Variants in R3HDM2 observed in about 807,000 individuals in gnomAD.
The protein encoded by R3HDM2 is R3H domain-containing protein 2.
R3HDM2 carries 38 observed loss-of-function variants against 124.5 expected under a neutral mutation model. The ratio of observed to expected loss-of-function variants is 0.31; its 90% CI spans 0.24 to 0.40. The LOEUF is 0.40. R3HDM2 is among the 10% of genes least tolerant of loss of function. The pLI is 1.00. For synonymous variants in R3HDM2, 391 were observed against 448.0 expected, an observed-to-expected ratio of 0.87 and a Z score of 1.61; for missense variants, 869 against 1,236.9, an observed-to-expected ratio of 0.70 and a Z score of 4.46.
intron 12 of R3HDM2, among the ~76,000 whole-genome samples, chr12:57,286,713 T>C (rs1460167981): frequency 6.6e-6 from 1 of 152,120 alleles, no homozygotes; most frequent in Non-Finnish European, 1.5e-5. Flanking sequence ...ACCCCGTCTC[T>C]ACTAAAAACA....
chr12:57,264,318 G>C (rs1429856558), intron 19 of R3HDM2, among the ~76,000 whole-genome samples: 4 of 147,928 alleles, frequency 2.7e-5, no homozygotes, highest in Non-Finnish European at 6.0e-5. Context: ...CACTTTGGGA[G>C]GCCGAGGCGG....
intron 2 of R3HDM2, among the ~76,000 whole-genome samples, chr12:57,389,692 A>G (rs1473171477): frequency 6.6e-6 from 1 of 152,244 alleles, no homozygotes; most frequent in Non-Finnish European, 1.5e-5. Context: ...CCTACCCTTT[A>G]AATGTAGAAG....
At chr12:57,428,981 A>G (rs917403989) in intron 1 of R3HDM2, among the ~76,000 whole-genome samples, 36 of 152,070 alleles carry the variant, frequency 2.4e-4, no homozygotes, top group Non-Finnish European at 4.6e-4. Flanking sequence ...TCCTGACCTC[A>G]GGTGATCCAC....
chr12:57,407,466 CA>C (rs1020609656), intron 1 of R3HDM2, among the ~76,000 whole-genome samples: 10 of 148,854 alleles, frequency 6.7e-5, no homozygotes, highest in African/African-American at 2.5e-4. Context: ...AGTGCAGTGG[CA>C]CAATCTCAGC....
intron 19 of R3HDM2, among the ~76,000 whole-genome samples, chr12:57,260,297 CA>C (rs1043161926): frequency 4.0e-5 from 2 of 50,212 alleles, no homozygotes; most frequent in African/African-American, 1.2e-4. Flanking sequence ...CCTGCTGAAA[CA>C]GAATGAAGAG....
chr12:57,380,229 T>C (rs1248389873), intron 2 of R3HDM2, among the ~76,000 whole-genome samples: 3 of 152,222 alleles, frequency 2.0e-5, no homozygotes, highest in Non-Finnish European at 2.9e-5. Flanking sequence ...CTATACACCA[T>C]GACACTCTCA....
At chr12:57,405,971 C>A (rs1156908525) in intron 1 of R3HDM2, among the ~76,000 whole-genome samples, 1 of 151,976 alleles carries the variant, frequency 6.6e-6, no homozygotes, top group Non-Finnish European at 1.5e-5. Flanking sequence ...GACATAGGAG[C>A]CAACTTGAAG....
chr12:57,429,008 A>AGATTACATGCTGGGATTAC (rs1483771886), intron 1 of R3HDM2, among the ~76,000 whole-genome samples: 23 of 152,048 alleles, frequency 1.5e-4, no homozygotes, highest in Middle Eastern at 3.2e-3. Flanking sequence ...TCGCCTCCCA[A>AGATTACATGCTGGGATTAC]AGTGCTGCGA....
At chr12:57,364,889 G>T (rs1166916943) in intron 2 of R3HDM2, among the ~76,000 whole-genome samples, 1 of 144,370 alleles carries the variant, frequency 6.9e-6, no homozygotes, top group African/African-American at 2.6e-5. Context: ...GGAGGCAGAG[G>T]TTGCAGCGAG....
chr12:57,291,083 T>C, intron 11 of R3HDM2, among the ~76,000 whole-genome samples: 1 of 152,206 alleles, frequency 6.6e-6, no homozygotes, highest in East Asian at 1.9e-4. Flanking sequence ...GATGGACTTT[T>C]CTGACTCAGA....
At chr12:57,288,296 G>A (rs556474066) in intron 12 of R3HDM2, among the ~76,000 whole-genome samples, 22 of 152,006 alleles carry the variant, frequency 1.4e-4, no homozygotes, top group Admixed American at 3.3e-4. Flanking sequence ...GAGTCACCGC[G>A]CCTGGCCAGG....
intron 1 of R3HDM2, among the ~76,000 whole-genome samples, chr12:57,429,116 T>G (rs1265840109): frequency 6.6e-6 from 1 of 152,164 alleles, no homozygotes; most frequent in East Asian, 1.9e-4. Context: ...CCAAGAGCAA[T>G]GGCTCACGCC....
intron 2 of R3HDM2, among the ~76,000 whole-genome samples, chr12:57,364,518 A>C (rs903290724): frequency 6.6e-6 from 1 of 152,114 alleles, no homozygotes; most frequent in Non-Finnish European, 1.5e-5. Flanking sequence ...TCCAAGATCA[A>C]GGTGTTCACA....
chr12:57,275,799 T>C (rs1235866803), intron 14 of R3HDM2, among the ~76,000 whole-genome samples: 1 of 152,194 alleles, frequency 6.6e-6, no homozygotes, highest in Non-Finnish European at 1.5e-5. Context: ...AGAATGGTCA[T>C]AATCAAAAAA....
chr12:57,411,967 TC>T (rs2069045695), intron 1 of R3HDM2, among the ~76,000 whole-genome samples: 1 of 152,144 alleles, frequency 6.6e-6, no homozygotes, highest in African/African-American at 2.4e-5. Flanking sequence ...AAGGGGCTCT[TC>T]CCCCTTTGCT....
At chr12:57,275,943 C>T (rs183846404) in intron 14 of R3HDM2, among the ~76,000 whole-genome samples, 4 of 152,204 alleles carry the variant, frequency 2.6e-5, no homozygotes, top group Admixed American at 1.3e-4. Context: ...TAGGGCCGGG[C>T]GCAGTGGCTC....
chr12:57,276,677 G>C (rs958130228), intron 14 of R3HDM2, among the ~76,000 whole-genome samples: 1 of 152,186 alleles, frequency 6.6e-6, no homozygotes, highest in Non-Finnish European at 1.5e-5. Flanking sequence ...CATGAGGTCA[G>C]GAGTTTGAGA....
chr12:57,382,541 CA>C lies in R3HDM2; in HGVS notation c.-36+13207del, dbSNP rs1222419669. On this transcript the variant is annotated intron_variant, in intron 2 of 23. Transcript: ENST00000402412. ...GGATGAAAGGCGTGAGCCCAGCCTA[CA>C]AAAAAAAAAAAAAAAAAAAAGGGCT... is the stretch of plus-strand genomic sequence containing the variant. 5.1e-3 allele frequency among the ~76,000 whole-genome samples: 205 copies of C among 40,134 alleles called. 1 individual carries two copies. In the East Asian group the frequency reaches 0.058, roughly 11 times the overall value. The allele number at this position is 40,134 out of a possible 152,430, so 26.3% of individuals were successfully genotyped here.
intron 21 of R3HDM2, among the ~76,000 whole-genome samples, chr12:57,257,201 C>T (rs1413889460): frequency 6.6e-6 from 1 of 152,122 alleles, no homozygotes; most frequent in East Asian, 1.9e-4. Flanking sequence ...AGTATAAGCA[C>T]AGTAGACAAG....
Sources: allele counts gnomAD v4.1 joint callset (sites outside exome capture counted in the v4.1 genomes callset), GRCh38; gene constraint gnomAD v4.1.1; transcripts MANE v1.5; gene names NCBI Gene and HGNC (gene_info 2026-07-23, HGNC 2026-07-21).